CNTNAP3: variants seen among roughly 807,000 people sequenced by gnomAD.
CNTNAP3 encodes the protein contactin associated protein family member 3.
CNTNAP3 carries 36 observed loss-of-function variants against 92.1 expected under a neutral mutation model. The observed-to-expected ratio is 0.39, with a 90% CI of 0.30 to 0.52. The LOEUF (loss-of-function observed/expected upper bound fraction) is 0.52, where lower values mean the gene tolerates loss of function less well. Among genes scored for constraint, CNTNAP3 ranks in the 20% least tolerant of loss-of-function variants. The pLI, the probability that CNTNAP3 is intolerant of heterozygous loss-of-function variation, is 0.76. For synonymous variants in CNTNAP3, 232 were observed against 422.3 expected, an observed-to-expected ratio of 0.55 and a Z score of 5.53; for missense variants, 534 against 1,069.6, an observed-to-expected ratio of 0.50 and a Z score of 6.98.
chr9:39,149,993 A>G lies in CNTNAP3; in HGVS notation c.1478-16T>C, dbSNP rs1327160585. ...TCCAGGCAGCCTAAATATGAAGACA[A>G]AAATAGGACAAAAGCAACAACTATG... On this transcript the variant is annotated splice_polypyrimidine_tract_variant and intron_variant, in intron 9 of 23. Coordinates refer to ENST00000297668, the MANE Select transcript of CNTNAP3 (RefSeq NM_033655.5). The G allele has an allele frequency of 1.7e-5, 28 of 1,611,502 alleles. No individual in the cohort carries two copies. Among genetic ancestry groups the G allele is most frequent in the Non-Finnish European group, 2.4e-5 (28 of 1,179,644 alleles).
Position 39,109,283 on chromosome 9 carries a change from T to C in CNTNAP3, c.2242A>G (p.Ser748Gly), listed in dbSNP as rs763556563. 6 of 1,611,638 alleles carry C rather than the reference T, an allele frequency of 3.7e-6. No individual in the cohort carries two copies. The Admixed American group carries it at 6.7e-5, about 18-fold the overall frequency. Residue 748 changes from serine to glycine, a missense_variant, in exon 15 of 24, where the codon AGT becomes GGT. Physicochemically the swap from Ser to Gly is moderately conservative, Grantham distance 56 (BLOSUM62 0). Coordinates refer to ENST00000297668, the MANE Select transcript of CNTNAP3 (RefSeq NM_033655.5). ...TTTTGGGAAAGGACTATTGTGTCACTAGTCCTAAAGAACAACAACCGAAAC... is the reference window on the plus strand; with the variant it reads ...TTTTGGGAAAGGACTATTGTGTCACCAGTCCTAAAGAACAACAACCGAAAC... The part of the protein sequence containing the change: ...NCDAGRNEWT[S>G]DTIVLSQKEH...
intron 12 of CNTNAP3, among the ~76,000 whole-genome samples, chr9:39,138,360 C>A (rs1273511778): frequency 1.3e-5 from 2 of 152,140 alleles, no homozygotes; most frequent in Non-Finnish European, 2.9e-5. Flanking sequence ...AAGAGCTTCT[C>A]AGCCCTCCCT....
chr9:39,116,685 G>A (rs935161695), intron 14 of CNTNAP3, among the ~76,000 whole-genome samples: 6 of 152,194 alleles, frequency 3.9e-5, no homozygotes, highest in African/African-American at 1.2e-4. Context: ...CAAAAAGAGT[G>A]TCTCATAAAT....
At chr9:39,174,284 G>A (rs966176817) in intron 7 of CNTNAP3, 8 of 246,200 alleles carry the variant, frequency 3.2e-5, no homozygotes, top group Non-Finnish European at 5.3e-5. Context: ...CTTCCCTTTG[G>A]TGTTTCCTTT....
At chr9:39,145,913 T>C (rs1692979) in intron 10 of CNTNAP3, among the ~76,000 whole-genome samples, 3,261 of 134,202 alleles carry the variant, frequency 0.024, 78 homozygotes, top group African/African-American at 0.056. Context: ...TCCTTCTCCC[T>C]CTCCTCCCCT....
At chr9:39,134,756 T>C (rs1182505217) in intron 12 of CNTNAP3, among the ~76,000 whole-genome samples, 1 of 152,176 alleles carries the variant, frequency 6.6e-6, no homozygotes. Flanking sequence ...AACCTGGTGT[T>C]ACTCTGTGCA....
chr9:39,285,652 G>T (rs1281108948), intron 1 of CNTNAP3, among the ~76,000 whole-genome samples: 1 of 48,912 alleles, frequency 2.0e-5, no homozygotes, highest in African/African-American at 4.5e-5. Flanking sequence ...CTCCCGAGAA[G>T]CTGGGATTAC....
intron 17 of CNTNAP3, 141 bp downstream of exon 17, chr9:39,102,356 C>T (rs1325572829): frequency 7.2e-7 from 1 of 1,382,692 alleles, no homozygotes; most frequent in Non-Finnish European, 1.0e-6. Context: ...GCTCCTGGAA[C>T]CTACCAGGTT....
intron 14 of CNTNAP3, among the ~76,000 whole-genome samples, chr9:39,117,199 C>T (rs1022171438): frequency 2.0e-5 from 3 of 152,000 alleles, no homozygotes; most frequent in African/African-American, 7.3e-5. Context: ...GCCACATTGG[C>T]CAGGCTGGTC....
chr9:39,089,093 G>T, intron 18 of CNTNAP3, among the ~76,000 whole-genome samples: 1 of 151,924 alleles, frequency 6.6e-6, no homozygotes, highest in African/African-American at 2.4e-5. Context: ...TAGTATATTT[G>T]CAGGCATGTG....
intron 12 of CNTNAP3, among the ~76,000 whole-genome samples, chr9:39,134,841 G>A (rs1485541565): frequency 6.6e-6 from 1 of 152,210 alleles, no homozygotes; most frequent in Non-Finnish European, 1.5e-5. Flanking sequence ...ACACTAAGTT[G>A]GGCATTGAAG....
At chr9:39,140,480 G>T (rs1250360948) in intron 12 of CNTNAP3, 39 bp downstream of exon 12, 7 of 1,605,818 alleles carry the variant, frequency 4.4e-6, no homozygotes, top group East Asian at 2.3e-5. Context: ...TTTCTCCTTG[G>T]TCTATTCTGA....
rs75347382 is a variant in CNTNAP3 at position 39,073,719 on chromosome 9, G to A, written c.*171C>T. On this transcript the variant is annotated 3_prime_UTR_variant, in exon 24 of 24. Coordinates refer to ENST00000297668, the MANE Select transcript of CNTNAP3 (RefSeq NM_033655.5). Reference sequence around the variant, plus strand: ...CCTCCCAGAGGCTCCGAGGCTGCAGGTCTTCAGCCAGGTGACAGCACTGCA... The same window carrying A: ...CCTCCCAGAGGCTCCGAGGCTGCAGATCTTCAGCCAGGTGACAGCACTGCA... The A allele has an allele frequency of 6.5e-7, 1 of 1,539,776 alleles. No individual in the cohort carries two copies. Among genetic ancestry groups the A allele is most frequent in the African/African-American group, 1.4e-5 (1 of 73,352 alleles).
intron 14 of CNTNAP3, among the ~76,000 whole-genome samples, chr9:39,117,153 G>A (rs535032537): frequency 3.0e-4 from 46 of 152,016 alleles, no homozygotes; most frequent in Middle Eastern, 3.4e-3. Context: ...AGCCACACCC[G>A]GCTAATTTTT....
At chr9:39,105,126 C>T (rs1474190548) in intron 15 of CNTNAP3, among the ~76,000 whole-genome samples, 5 of 152,126 alleles carry the variant, frequency 3.3e-5, no homozygotes, top group African/African-American at 9.7e-5. Context: ...GACATGCCTC[C>T]GTCAGAAATA....
At chr9:39,130,213 T>C (rs1226669308) in intron 13 of CNTNAP3, among the ~76,000 whole-genome samples, 3 of 152,154 alleles carry the variant, frequency 2.0e-5, no homozygotes, top group Non-Finnish European at 4.4e-5. Context: ...GCTTTATTCA[T>C]AATTGCCCCA....
chr9:39,097,284 A>C (rs1826348469), intron 18 of CNTNAP3, among the ~76,000 whole-genome samples: 1 of 152,024 alleles, frequency 6.6e-6, no homozygotes, highest in Non-Finnish European at 1.5e-5. Flanking sequence ...AGGGCTACCA[A>C]GCTGTGTATT....
In CNTNAP3 at chr9:39,068,523, A is replaced by G. The variant is rs1373023451; in HGVS notation, c.*5367T>C. On this transcript the variant is annotated 3_prime_UTR_variant, in exon 24 of 24. Transcript: ENST00000297668. Reference sequence around the variant, plus strand: ...TCCTTGAGGTCAATAATAATTTTTTAAAGGTTGATAAATGCCGCTGTAATT... The same window carrying G: ...TCCTTGAGGTCAATAATAATTTTTTGAAGGTTGATAAATGCCGCTGTAATT... Among the ~76,000 whole-genome samples the G allele has an allele frequency of 3.9e-5, 6 of 152,306 alleles. No individual in the cohort carries two copies. The highest frequency in any genetic ancestry group is 3.9e-4 in the Admixed American group (6 of 15,290).
intron 21 of CNTNAP3, among the ~76,000 whole-genome samples, chr9:39,082,842 T>C (rs935791286): frequency 1.3e-5 from 2 of 152,252 alleles, no homozygotes; most frequent in Non-Finnish European, 2.9e-5. Flanking sequence ...GGGAAAACAA[T>C]GCAAATGAAC....
Sources: gnomAD v4.1 joint callset for allele counts (sites outside exome capture counted in the v4.1 genomes callset) on GRCh38, gnomAD v4.1.1 for gene constraint, MANE v1.5 for transcripts, NCBI Gene and HGNC (gene_info 2026-07-23, HGNC 2026-07-21) for gene names.